The following LLGL1 variants were observed in gnomAD, a reference collection of about 807,000 sequenced individuals.
The protein encoded by LLGL1 is LLGL scribble cell polarity complex component 1.
A neutral mutation model predicts 110.6 loss-of-function variants in LLGL1; 58 were observed. The ratio of observed to expected loss-of-function variants is 0.52; its 90% CI spans 0.42 to 0.65. The LOEUF is 0.65. LLGL1 is among the 30% of genes least tolerant of loss of function. The probability of loss-of-function intolerance (pLI) is 0.00; values close to 1 mark genes in which losing one functional copy is unlikely to be tolerated. For missense variants in LLGL1, 1,229 were observed against 1,462.1 expected, an observed-to-expected ratio of 0.84 and a Z score of 2.60; for synonymous variants, 674 against 607.2, an observed-to-expected ratio of 1.11 and a Z score of -1.62.
chr17:18,242,652 A>AG (rs768776352), intron 21 of LLGL1, 24 bp downstream of exon 21: 25 of 1,590,284 alleles, frequency 1.6e-5, no homozygotes, highest in Non-Finnish European at 1.5e-5. Flanking sequence ...GCAGGTCCAC[A>AG]GGGGGGGCTG....
Position 18,225,686 on chromosome 17 carries a change from A to C in LLGL1, c.4A>C (p.Met2Leu), listed in dbSNP as rs1489396501. The part of the protein sequence containing the change: M[M>L]KFRFRRQGAD... The stretch of plus-strand genomic sequence containing the variant: ...GGCGCCTGCAGCCGGGCGCAAGATG[A>C]TGAAGTTTCGGTTCCGGCGGCAGGG... Residue 2 changes from methionine (M) to leucine (L), a missense_variant, in exon 1 of 23, where the codon ATG (methionine) becomes CTG (leucine). Met to Leu is a conservative substitution (Grantham distance 15, BLOSUM62 2). Transcript: ENST00000316843. The C allele has an allele frequency of 1.3e-4, 131 of 1,033,266 alleles. No individual in the cohort carries two copies. Among genetic ancestry groups the C allele is most frequent in the Non-Finnish European group, 1.5e-4 (128 of 853,842 alleles). 64.0% of individuals were successfully genotyped at this position (1,033,266 alleles called of 1,614,324 possible).
intron 18 of LLGL1, 35 bp downstream of exon 18, chr17:18,241,750 A>G: frequency 6.2e-7 from 1 of 1,608,848 alleles, no homozygotes; most frequent in Middle Eastern, 1.7e-4. Flanking sequence ...GGCCTTCCTC[A>G]GGCGAGCGAA....
chr17:18,241,807 GGGCACA>G, intron 18 of LLGL1, 72 bp from the exon 19 acceptor site: 1 of 1,607,170 alleles, frequency 6.2e-7, no homozygotes. Flanking sequence ...CACTCCAGGT[GGGCACA>G]GGCCCAGGCC....
In LLGL1 at chr17:18,237,511, G is replaced by A; in HGVS notation, c.1642G>A (p.Val548Met). ...VLVLELSDVP[V>M]EQAVSVAIID... is the part of the protein sequence containing the mutation. ...GGTACTGGAGCTTAGTGATGTGCCG[G>A]TGGAGCAGGCGGTCAGCGTGGCCAT... The change falls in exon 14 of 23, where the codon GTG becomes ATG. Residue 548 changes from valine (V) to methionine (M), a missense_variant. Val to Met is a conservative substitution (Grantham distance 21). Transcript: ENST00000316843. 2 of 1,596,890 alleles carry A rather than the reference G, an allele frequency of 1.3e-6. No individual in the cohort carries two copies. Among genetic ancestry groups the A allele is most frequent in the East Asian group, 4.5e-5 (2 of 44,440 alleles).
At chr17:18,225,811 G>T in intron 1 of LLGL1, 48 bp downstream of exon 1, 1 of 865,006 alleles carries the variant, frequency 1.2e-6, no homozygotes, top group South Asian at 5.0e-5. Flanking sequence ...GGGCGGGACG[G>T]GGGCCTGGGC....
rs2047700685 is a variant in LLGL1, at chr17:18,236,631, C to T, written c.1377C>T (p.Phe459=). The T allele has an allele frequency of 5.0e-6, 8 of 1,612,756 alleles. No individual in the cohort carries two copies. The highest frequency in any genetic ancestry group is 6.8e-6 in the Non-Finnish European group (8 of 1,179,776). The change falls in exon 12 of 23, where the codon TTC becomes TTT. Residue 459 remains phenylalanine, a synonymous_variant. Transcript: ENST00000316843. ...LTGHEDGTVR[F]WDASGVALRP... ...GCCATGAGGACGGCACCGTGAGGTT[C>T]TGGGATGCCTCGGGTGTGGCGCTGC...
chr17:18,235,569 C>A, intron 11 of LLGL1, 32 bp downstream of exon 11: 1 of 1,601,998 alleles, frequency 6.2e-7, no homozygotes, highest in Non-Finnish European at 8.5e-7. Context: ...GGTGAGTGGG[C>A]CCCTTGCTGT....
At chr17:18,229,874 C>A in intron 1 of LLGL1, 67 bp from the exon 2 acceptor site, 1 of 1,138,336 alleles carries the variant, frequency 8.8e-7, no homozygotes, top group Non-Finnish European at 1.3e-6. Flanking sequence ...TTGGGGTGGG[C>A]CTCAGGGTGG....
intron 22 of LLGL1, among the ~76,000 whole-genome samples, chr17:18,243,250 G>A (rs2047890260): frequency 6.6e-6 from 1 of 152,174 alleles, no homozygotes; most frequent in Non-Finnish European, 1.5e-5. Flanking sequence ...TGGGACTACA[G>A]GCGCCCGCCA....
chr17:18,227,856 G>A (rs1191504981), intron 1 of LLGL1, among the ~76,000 whole-genome samples: 3 of 152,184 alleles, frequency 2.0e-5, no homozygotes, highest in Non-Finnish European at 4.4e-5. Flanking sequence ...GTGGTCTTGG[G>A]GAAGGGACTT....
At chr17:18,230,980 G>A (rs2047555094) in intron 2 of LLGL1, among the ~76,000 whole-genome samples, 1 of 152,192 alleles carries the variant, frequency 6.6e-6, no homozygotes, top group African/African-American at 2.4e-5. Context: ...AGTGCTCTGG[G>A]CCCCACATGC....
chr17:18,243,681 G>A (rs2047908756), intron 22 of LLGL1, among the ~76,000 whole-genome samples: 1 of 152,216 alleles, frequency 6.6e-6, no homozygotes, highest in African/African-American at 2.4e-5. Flanking sequence ...ACACCTCCCA[G>A]CTCTTTGTCT....
rs372781563 is a variant in LLGL1 at position 18,241,580 on chromosome 17, C to T, written c.2632C>T (p.Leu878=). Reference sequence around the variant, plus strand: ...CTGCGAGGACTATGCTGAGACCTGCCTGGCCTGCCTCACCAACCTGGGTGA... The same window carrying T: ...CTGCGAGGACTATGCTGAGACCTGCTTGGCCTGCCTCACCAACCTGGGTGA... ...VACEDYAETC[L]ACLTNLGDVH... is the part of the protein sequence containing the mutation. Residue 878 remains leucine (L), a synonymous_variant, in exon 18 of 23, where the codon CTG becomes TTG. Transcript: ENST00000316843. The T allele has an allele frequency of 5.6e-6, 9 of 1,613,796 alleles. No individual in the cohort carries two copies. Among genetic ancestry groups the T allele is most frequent in the Middle Eastern group, 1.6e-4 (1 of 6,062 alleles).
intron 22 of LLGL1, 105 bp downstream of exon 22, chr17:18,242,927 G>A: frequency 9.0e-7 from 1 of 1,113,040 alleles, no homozygotes; most frequent in Non-Finnish European, 1.3e-6. Context: ...ACCCTGGCAG[G>A]CCCATGTGAT....
In LLGL1 at chr17:18,235,099, C is replaced by A. The variant is rs572830833; in HGVS notation, c.1071C>A (p.Asp357Glu). 124 of 1,613,910 alleles carry A rather than the reference C, an allele frequency of 7.7e-5. No individual in the cohort carries two copies. The South Asian group carries it at 1.3e-3, about 17-fold the overall frequency. ...HSTRPEDEFD[D>E]PQALAVLLEE... ...CCCTCCGTCCCACAGAATTTGATGA[C>A]CCCCAGGCCCTGGCTGTGCTGCTGG... The change falls in exon 10 of 23, where the codon GAC becomes GAA. Residue 357 changes from aspartate (D) to glutamate (E), a missense_variant. Coordinates refer to ENST00000316843, the MANE Select transcript of LLGL1 (RefSeq NM_004140.4).
Position 18,237,586 on chromosome 17 carries a change from C to T in LLGL1, c.1717C>T (p.Arg573Trp), listed in dbSNP as rs756510000. ...REGFTWKGHE[R>W]LSPRTGPLPW... ...GGGCTTCACATGGAAGGGCCACGAG[C>T]GGCTGAGCCCACGCACGGGGCCGCT... The change falls in exon 14 of 23, where the codon CGG becomes TGG. Residue 573 changes from arginine (R) to tryptophan (W), a missense_variant. Transcript: ENST00000316843. 37 of 1,610,364 alleles carry T rather than the reference C, an allele frequency of 2.3e-5. No individual in the cohort carries two copies. Among genetic ancestry groups the T allele is most frequent in the East Asian group, 1.6e-4 (7 of 44,870 alleles).
At position 18,242,289 on chromosome 17, in the gene LLGL1, C is replaced by T; in HGVS notation, c.2995+11C>T. 2 of 1,607,482 alleles carry T rather than the reference C, an allele frequency of 1.2e-6. No individual in the cohort carries two copies. Among genetic ancestry groups the T allele is most frequent in the South Asian group, 1.1e-5 (1 of 90,964 alleles). The stretch of plus-strand genomic sequence containing the variant: ...ACAGCATGGGACCTGGTGAGGGGGG[C>T]ATGAAAGGGGTCCAGACCCTGGCCC... On this transcript the variant is annotated intron_variant, in intron 20 of 22. Coordinates refer to ENST00000316843, the MANE Select transcript of LLGL1 (RefSeq NM_004140.4).
intron 2 of LLGL1, among the ~76,000 whole-genome samples, chr17:18,231,993 C>G (rs1001608454): frequency 1.3e-5 from 2 of 152,204 alleles, no homozygotes; most frequent in African/African-American, 4.8e-5. Flanking sequence ...GAAGTTTGGC[C>G]TGAAGCTGTG....
intron 1 of LLGL1, among the ~76,000 whole-genome samples, chr17:18,226,124 CTG>C (rs1289099964): frequency 6.6e-6 from 1 of 152,054 alleles, no homozygotes; most frequent in African/African-American, 2.4e-5. Flanking sequence ...CCAGTTGTGC[CTG>C]TGTGTGTGGT....
Sources: allele counts gnomAD v4.1 joint callset (sites outside exome capture counted in the v4.1 genomes callset), GRCh38; gene constraint gnomAD v4.1.1; transcripts MANE v1.5; gene names NCBI Gene and HGNC (gene_info 2026-07-23, HGNC 2026-07-21).